CCDC7: variants seen among roughly 807,000 people sequenced by gnomAD.
CCDC7 encodes coiled-coil domain containing 7.
In CCDC7, 183 loss-of-function variants were observed where a neutral mutation model predicts 196.9. The ratio of observed to expected loss-of-function variants is 0.93; its 90% confidence interval spans 0.82 to 1.05. CCDC7 has a LOEUF of 1.05. Among genes scored for constraint, CCDC7 ranks in the 50% least tolerant of loss-of-function variants. The pLI is 0.00. For missense variants in CCDC7, 1,540 were observed against 1,482.2 expected (o/e 1.04, Z -0.64); for synonymous variants, 525 against 484.6 (o/e 1.08, Z -1.10).
chr10:32,855,218 T>A (rs78185118), intron 41 of CCDC7, among the ~76,000 whole-genome samples: 10 of 146,756 alleles, frequency 6.8e-5, no homozygotes, highest in African/African-American at 7.3e-5. Flanking sequence ...TTTTTTTTTT[T>A]AATTCATACA....
rs188617045 is a variant in CCDC7, at chr10:32,838,524, A to C, written c.3352+3626A>C. On this transcript the variant is annotated intron_variant, in intron 33 of 41. Coordinates refer to ENST00000639629, the Ensembl canonical transcript of CCDC7. ...AACCTGAGAATAATTGGAGTTCCTG[A>C]GAAGAAGAGAAATCTAAAAGTTTGG... is the stretch of plus-strand genomic sequence containing the variant. Among the ~76,000 whole-genome samples, 194 of 152,190 alleles carry C rather than the reference A, an allele frequency of 1.3e-3. 1 individual carries two copies. Among genetic ancestry groups the C allele is most frequent in the Admixed American group, 2.6e-3 (40 of 15,244 alleles).
rs377315786 is a variant in CCDC7 at position 32,795,806 on chromosome 10, A to G, written c.3014-9209A>G. Among the ~76,000 whole-genome samples, 6 of 152,266 alleles carry G rather than the reference A, an allele frequency of 3.9e-5. No individual in the cohort carries two copies. In the East Asian group the frequency reaches 1.2e-3, roughly 29 times the overall value. On this transcript the variant is annotated intron_variant, in intron 29 of 41. Coordinates refer to ENST00000639629, the Ensembl canonical transcript of CCDC7. ...TTAAACCCAGGTTTCCCTTGGCCTT[A>G]GTAAACAAAGCAATGCCCTTCTCAA...
chr10:32,583,287 G>A, exon 17 of CCDC7: 1 of 1,231,128 alleles, frequency 8.1e-7, no homozygotes, highest in Non-Finnish European at 1.0e-6. Flanking sequence ...TTTACCTCCT[G>A]TTCTTACAGA....
intron 3 of CCDC7, among the ~76,000 whole-genome samples, chr10:32,461,709 G>GTGTATGTA (rs1471520620): frequency 1.7e-5 from 1 of 57,482 alleles, no homozygotes; most frequent in African/African-American, 7.8e-5. Context: ...GTGTGTGTGT[G>GTGTATGTA]TATATATATA....
At chr10:32,828,055 C>T (rs2091414370) in intron 32 of CCDC7, among the ~76,000 whole-genome samples, 1 of 152,178 alleles carries the variant, frequency 6.6e-6, no homozygotes, top group Non-Finnish European at 1.5e-5. Flanking sequence ...CACAATCCCC[C>T]TTGTCTTGAC....
intron 25 of CCDC7, among the ~76,000 whole-genome samples, chr10:32,717,959 C>A (rs1025383083): frequency 1.0e-4 from 15 of 150,066 alleles, no homozygotes; most frequent in African/African-American, 3.4e-4. Flanking sequence ...GAGGTATAAT[C>A]AGGAGCTGGT....
chr10:32,474,210 CTTTTTTTTTTTTTT>C (rs71027095), intron 8 of CCDC7, among the ~76,000 whole-genome samples, 187 bp downstream of exon 9: 3 of 58,962 alleles, frequency 5.1e-5, no homozygotes, highest in Non-Finnish European at 9.2e-5. Context: ...AAACTAGATT[CTTTTTTTTTTTTTT>C]TTTTTTTTTT....
At chr10:32,584,960 TG>T (rs2059112396) in intron 18 of CCDC7, among the ~76,000 whole-genome samples, 1 of 152,144 alleles carries the variant, frequency 6.6e-6, no homozygotes. Context: ...GTAATATTTT[TG>T]CTAGGTTATT....
chr10:32,538,848 G>A (rs188321866), intron 11 of CCDC7, among the ~76,000 whole-genome samples: 16 of 152,148 alleles, frequency 1.1e-4, no homozygotes, highest in African/African-American at 2.6e-4. Context: ...TGATCATGGC[G>A]GATTACGTTT....
chr10:32,464,536 TC>T (rs113000592), intron 5 of CCDC7, among the ~76,000 whole-genome samples: 5 of 152,316 alleles, frequency 3.3e-5, no homozygotes, highest in African/African-American at 1.2e-4. Flanking sequence ...GAGAACTTGA[TC>T]TCATTCTGGT....
At chr10:32,752,158 T>C (rs1300178770) in intron 28 of CCDC7, among the ~76,000 whole-genome samples, 1 of 152,132 alleles carries the variant, frequency 6.6e-6, no homozygotes, top group Non-Finnish European at 1.5e-5. Flanking sequence ...AAAGCCAGTG[T>C]CACCGTGGCC....
intron 29 of CCDC7, among the ~76,000 whole-genome samples, chr10:32,799,574 G>T (rs2084355405): frequency 6.6e-6 from 1 of 152,178 alleles, no homozygotes; most frequent in African/African-American, 2.4e-5. Flanking sequence ...TTGGTTGTAG[G>T]AGGGGCCAAA....
chr10:32,461,308 A>G (rs559084165), intron 3 of CCDC7, among the ~76,000 whole-genome samples: 230 of 152,244 alleles, frequency 1.5e-3, no homozygotes, highest in Middle Eastern at 3.4e-3. Flanking sequence ...AACACTGGAC[A>G]TTAGCCTGCA....
chr10:32,597,663 G>T (rs939148149), intron 18 of CCDC7, among the ~76,000 whole-genome samples: 1 of 152,116 alleles, frequency 6.6e-6, no homozygotes, highest in Non-Finnish European at 1.5e-5. Context: ...TTTTATCTAC[G>T]TTTGGTCTTT....
In CCDC7 at chr10:32,517,606, C is replaced by T. The variant is rs375673701; in HGVS notation, c.873-339C>T. ...ACACAGGAAGGGGAACATCACACAC[C>T]GGGGACTGTTATGGGGTGGGGGGAG... is the stretch of plus-strand genomic sequence containing the variant. On this transcript the variant is annotated intron_variant, in intron 9 of 41. Transcript: ENST00000639629. Among the ~76,000 whole-genome samples, 13 of 100,946 alleles carry T rather than the reference C, an allele frequency of 1.3e-4. No homozygotes were observed. The East Asian group carries it at 2.1e-3, about 16-fold the overall frequency. The allele number at this position is 100,946 out of a possible 152,430, so 66.2% of individuals were successfully genotyped here.
At chr10:32,451,537 T>C, upstream of CCDC7, 1 of 1,423,992 alleles carries the variant, frequency 7.0e-7, no homozygotes, top group Admixed American at 2.7e-5. Flanking sequence ...AAATGTAGTA[T>C]GTGAATTTAA....
At chr10:32,525,779 A>T (rs2048577310) in intron 11 of CCDC7, among the ~76,000 whole-genome samples, 1 of 152,242 alleles carries the variant, frequency 6.6e-6, no homozygotes, top group African/African-American at 2.4e-5. Flanking sequence ...TATCACCTTG[A>T]TGGTCTTGGA....
chr10:32,657,702 C>T (rs550803668), intron 20 of CCDC7, among the ~76,000 whole-genome samples: 5 of 152,296 alleles, frequency 3.3e-5, no homozygotes, highest in African/African-American at 1.2e-4. Flanking sequence ...GAGACATTTT[C>T]CCCATTGTCT....
intron 28 of CCDC7, among the ~76,000 whole-genome samples, chr10:32,755,014 C>T (rs2076202260): frequency 1.3e-5 from 2 of 152,210 alleles, no homozygotes; most frequent in Non-Finnish European, 2.9e-5. Flanking sequence ...AAGCCTCACT[C>T]ACTGCTAGCA....
Sources: gnomAD v4.1 joint callset for allele counts (sites outside exome capture counted in the v4.1 genomes callset) on GRCh38, gnomAD v4.1.1 for gene constraint, MANE v1.5 for transcripts, NCBI Gene and HGNC (gene_info 2026-07-23, HGNC 2026-07-21) for gene names.